RABGAP1L: variants seen among roughly 807,000 people sequenced by gnomAD.
The protein encoded by RABGAP1L is rab GTPase-activating protein 1-like.
RABGAP1L carries 63 observed loss-of-function variants against 137.7 expected under a neutral mutation model. That is an observed-to-expected ratio of 0.46 (90% confidence interval 0.37 to 0.56). RABGAP1L has a LOEUF of 0.56. RABGAP1L is among the 20% of genes least tolerant of loss of function. The pLI is 0.00. For missense variants in RABGAP1L, 1,095 were observed against 1,244.0 expected, an observed-to-expected ratio of 0.88 and a Z score of 1.80; for synonymous variants, 431 against 433.7, an observed-to-expected ratio of 0.99 and a Z score of 0.08.
chr1:174,174,034 G>A (rs1322345364), intron 1 of RABGAP1L, among the ~76,000 whole-genome samples: 5 of 152,036 alleles, frequency 3.3e-5, no homozygotes, highest in East Asian at 1.9e-4. Context: ...TTAGGCTGTC[G>A]CTGAGAGCTT....
chr1:174,350,013 C>T (rs1332847423), intron 11 of RABGAP1L, among the ~76,000 whole-genome samples: 1 of 119,474 alleles, frequency 8.4e-6, no homozygotes, highest in Non-Finnish European at 1.8e-5. Context: ...CTGAGGGGCT[C>T]CTCACTTCCC....
chr1:174,655,271 A>T (rs898720444), intron 14 of RABGAP1L, among the ~76,000 whole-genome samples: 1 of 152,196 alleles, frequency 6.6e-6, no homozygotes, highest in African/African-American at 2.4e-5. Flanking sequence ...TCCAGTTCAG[A>T]ATCTCTTATT....
intron 13 of RABGAP1L, among the ~76,000 whole-genome samples, chr1:174,484,274 T>C (rs1659418866): frequency 6.6e-6 from 1 of 152,210 alleles, no homozygotes; most frequent in Admixed American, 6.5e-5. Context: ...TATAGAGTTG[T>C]TTGAGAACCT....
chr1:174,679,315 T>C (rs1410866261), intron 14 of RABGAP1L, among the ~76,000 whole-genome samples: 1 of 152,168 alleles, frequency 6.6e-6, no homozygotes, highest in Non-Finnish European at 1.5e-5. Flanking sequence ...GCCTAGGAAA[T>C]CCAGCTAGCA....
At chr1:174,427,116 T>A (rs1652043010) in intron 13 of RABGAP1L, among the ~76,000 whole-genome samples, 1 of 150,892 alleles carries the variant, frequency 6.6e-6, no homozygotes, top group East Asian at 1.9e-4. Flanking sequence ...CTATGAAACC[T>A]CTGTTTAACA....
At chr1:174,924,046 A>C (rs1662264524) in intron 19 of RABGAP1L, among the ~76,000 whole-genome samples, 1 of 152,246 alleles carries the variant, frequency 6.6e-6, no homozygotes, top group South Asian at 2.1e-4. Context: ...AGGGCTTGTA[A>C]GCATTCACTT....
chr1:174,514,287 G>C (rs564457909), intron 13 of RABGAP1L, among the ~76,000 whole-genome samples: 1 of 147,830 alleles, frequency 6.8e-6, no homozygotes, highest in Non-Finnish European at 1.5e-5. Flanking sequence ...AGGGATCTTC[G>C]TGTTGGTAGG....
At chr1:174,211,811 A>G (rs975809710) in intron 1 of RABGAP1L, among the ~76,000 whole-genome samples, 6 of 152,192 alleles carry the variant, frequency 3.9e-5, no homozygotes, top group Admixed American at 2.6e-4. Flanking sequence ...ATGGAAACCA[A>G]AAAGGAGCAG....
chr1:174,929,640 A>C (rs1332106500), intron 19 of RABGAP1L, among the ~76,000 whole-genome samples: 1 of 151,616 alleles, frequency 6.6e-6, no homozygotes, highest in Non-Finnish European at 1.5e-5. Context: ...ACTACGAGGC[A>C]GCTGAGGCAG....
chr1:174,577,781 C>T (rs1668484367), intron 13 of RABGAP1L, among the ~76,000 whole-genome samples: 1 of 152,162 alleles, frequency 6.6e-6, no homozygotes, highest in Admixed American at 6.5e-5. Flanking sequence ...TTGCTAGCAG[C>T]AGGTAGCCCA....
chr1:174,830,539 C>T (rs1378500071), intron 19 of RABGAP1L, among the ~76,000 whole-genome samples: 2 of 146,858 alleles, frequency 1.4e-5, no homozygotes, highest in Non-Finnish European at 3.0e-5. Flanking sequence ...TGCAGTGGCA[C>T]GATGTCGGCT....
At chr1:174,501,258 G>A (rs187838266) in intron 13 of RABGAP1L, among the ~76,000 whole-genome samples, 170 of 149,178 alleles carry the variant, frequency 1.1e-3, no homozygotes, top group African/African-American at 4.1e-3. Flanking sequence ...CTATCGCCCA[G>A]GCTAGAGTGC....
At chr1:174,692,804 T>C (rs146081717) in intron 15 of RABGAP1L, among the ~76,000 whole-genome samples, 112 of 152,262 alleles carry the variant, frequency 7.4e-4, no homozygotes, top group Admixed American at 2.4e-3. Context: ...TTGCCAACAA[T>C]ATGTATATGT....
At chr1:174,918,283 T>C (rs1413823991) in intron 19 of RABGAP1L, among the ~76,000 whole-genome samples, 1 of 152,214 alleles carries the variant, frequency 6.6e-6, no homozygotes, top group African/African-American at 2.4e-5. Context: ...TTCTACAGTC[T>C]CCTTTGTTTC....
At chr1:174,626,522 A>G (rs75306743) in intron 13 of RABGAP1L, among the ~76,000 whole-genome samples, 3,214 of 152,266 alleles carry the variant, frequency 0.021, 53 homozygotes, top group Middle Eastern at 0.085. Flanking sequence ...AATATGGCTT[A>G]TATTTTTGAC....
intron 13 of RABGAP1L, among the ~76,000 whole-genome samples, chr1:174,620,502 A>C (rs568644772): frequency 1.3e-5 from 2 of 152,332 alleles, no homozygotes; most frequent in African/African-American, 4.8e-5. Context: ...ACTCAACTAC[A>C]TGGAAACTGA....
intron 19 of RABGAP1L, among the ~76,000 whole-genome samples, chr1:174,954,807 C>T (rs1444117554): frequency 6.6e-6 from 1 of 152,150 alleles, no homozygotes; most frequent in African/African-American, 2.4e-5. Flanking sequence ...GTTTCTGCTC[C>T]TAGGGAAACA....
chr1:174,231,130 T>A lies in RABGAP1L; in HGVS notation c.332-15T>A. ...TTGCAATGACTTTTGAGTGTTTCTT[T>A]TTTTGTTTCTTCAGAAATTTCTACA... is the stretch of plus-strand genomic sequence containing the variant. On this transcript the variant is annotated splice_polypyrimidine_tract_variant and intron_variant, in intron 3 of 25. Transcript: ENST00000681986. 1 of 1,580,198 alleles carries A rather than the reference T, an allele frequency of 6.3e-7. No homozygotes were observed.
intron 11 of RABGAP1L, among the ~76,000 whole-genome samples, chr1:174,358,067 C>G (rs1683794804): frequency 6.6e-6 from 1 of 152,152 alleles, no homozygotes; most frequent in East Asian, 1.9e-4. Flanking sequence ...GGCTTCAAAT[C>G]TAGGCCGTTT....
Sources: allele counts gnomAD v4.1 joint callset (sites outside exome capture counted in the v4.1 genomes callset), GRCh38; gene constraint gnomAD v4.1.1; transcripts MANE v1.5; gene names NCBI Gene and HGNC (gene_info 2026-07-23, HGNC 2026-07-21).